The following ADAMTS2 variants were observed in gnomAD, a reference collection of about 807,000 sequenced individuals.
ADAMTS2 encodes the protein ADAM metallopeptidase with thrombospondin type 1 motif 2, also known as A disintegrin and metalloproteinase with thrombospondin motifs 2.
Under a neutral mutation model 123.0 loss-of-function variants are expected in ADAMTS2, and 50 were observed. The ratio of observed to expected loss-of-function variants is 0.41; its 90% CI spans 0.32 to 0.51. The LOEUF (loss-of-function observed/expected upper bound fraction) is 0.51, where lower values mean the gene tolerates loss of function less well. ADAMTS2 is among the 20% of genes least tolerant of loss of function. The pLI, the probability that ADAMTS2 is intolerant of heterozygous loss-of-function variation, is 0.35. For synonymous variants in ADAMTS2, 678 were observed against 695.4 expected (o/e 0.98, Z 0.39); for missense variants, 1,494 against 1,705.2 (o/e 0.88, Z 2.18).
chr5:179,160,538 CA>C (rs1465995304), intron 5 of ADAMTS2, among the ~76,000 whole-genome samples: 1 of 152,222 alleles, frequency 6.6e-6, no homozygotes, highest in Non-Finnish European at 1.5e-5. Flanking sequence ...CTAGGTAAGA[CA>C]AGTCGTTCCC....
chr5:179,297,009 G>GC lies in ADAMTS2; in HGVS notation c.535-23946dup. Reference sequence around the variant, plus strand: ...TAGTATCATCAAAATAGAACTCAGAGCAAGTACTAAATGACTGGAAACTCC... The same window carrying GC: ...TAGTATCATCAAAATAGAACTCAGAGCCAAGTACTAAATGACTGGAAACTCC... On this transcript the variant is annotated intron_variant, in intron 2 of 21. Transcript: ENST00000251582. Among the ~76,000 whole-genome samples, 2 of 152,244 alleles carry GC rather than the reference G, an allele frequency of 1.3e-5. 1 individual carries two copies. The highest frequency in any genetic ancestry group is 4.1e-4 in the South Asian group (2 of 4,822).
chr5:179,140,360 A>G (rs1193175097), intron 10 of ADAMTS2, among the ~76,000 whole-genome samples: 1 of 152,204 alleles, frequency 6.6e-6, no homozygotes, highest in Non-Finnish European at 1.5e-5. Flanking sequence ...GGGTGCCCAC[A>G]CACAGCCCAT....
intron 4 of ADAMTS2, among the ~76,000 whole-genome samples, chr5:179,201,163 A>G (rs928694573): frequency 6.6e-6 from 1 of 152,210 alleles, no homozygotes; most frequent in African/African-American, 2.4e-5. Context: ...AGATGAAACC[A>G]TAACAGAGAA....
intron 2 of ADAMTS2, among the ~76,000 whole-genome samples, chr5:179,281,814 A>G (rs1211326949): frequency 6.6e-6 from 1 of 152,150 alleles, no homozygotes; most frequent in East Asian, 1.9e-4. Flanking sequence ...ACCAATACTC[A>G]TTATTCTTAG....
intron 3 of ADAMTS2, among the ~76,000 whole-genome samples, chr5:179,213,346 A>C (rs1764904775): frequency 6.6e-6 from 1 of 152,134 alleles, no homozygotes; most frequent in African/African-American, 2.4e-5. Flanking sequence ...GTCTTGTCTC[A>C]TTTGTGAATT....
At chr5:179,204,562 CAGA>C (rs1044055370) in intron 4 of ADAMTS2, among the ~76,000 whole-genome samples, 6 of 152,226 alleles carry the variant, frequency 3.9e-5, no homozygotes, top group African/African-American at 1.4e-4. Context: ...CACCCTTTCT[CAGA>C]AGCTCCCACT....
At chr5:179,284,031 CA>C (rs1354419256) in intron 2 of ADAMTS2, among the ~76,000 whole-genome samples, 1 of 150,400 alleles carries the variant, frequency 6.6e-6, no homozygotes, top group African/African-American at 2.4e-5. Context: ...TACCCTGTCT[CA>C]AAAAAACCCA....
At position 179,130,106 on chromosome 5, in the gene ADAMTS2, T is replaced by C. The variant is rs140401199; in HGVS notation, c.2291-8A>G. On this transcript the variant is annotated splice_polypyrimidine_tract_variant and splice_region_variant and intron_variant, in intron 15 of 21. Coordinates refer to ENST00000251582, the MANE Select transcript of ADAMTS2 (RefSeq NM_014244.5). The surrounding 1 kb of genome is among the most constrained non-coding windows in gnomAD (Gnocchi z 4.3). ...TCTCCAGGTTCTTGACGGCTGAGAATGGCAAGACCAAGTCCCCCGTTGTGG... is the reference window on the plus strand; with the variant it reads ...TCTCCAGGTTCTTGACGGCTGAGAACGGCAAGACCAAGTCCCCCGTTGTGG... The C allele has an allele frequency of 0.061, 98,879 of 1,613,784 alleles. 3,348 individuals carry two copies. Among genetic ancestry groups the C allele is most frequent in the Admixed American group, 0.089 (5,368 of 60,014 alleles).
At chr5:179,204,611 G>A (rs1764635462) in intron 4 of ADAMTS2, among the ~76,000 whole-genome samples, 1 of 152,190 alleles carries the variant, frequency 6.6e-6, no homozygotes, top group African/African-American at 2.4e-5. Flanking sequence ...CCACCAAAGG[G>A]TCCGACATAG....
rs998245119 is a variant in ADAMTS2, at chr5:179,113,978, C to A, written c.3525G>T (p.Gln1175His). The change falls in exon 22 of 22, where the codon CAG becomes CAT. Residue 1175 changes from glutamine (Q) to histidine (H), a missense_variant. This residue lies in a region of ADAMTS2 where 953 missense variants were observed against 1,124.7 expected (regional missense o/e 0.85). Coordinates refer to ENST00000251582, the MANE Select transcript of ADAMTS2 (RefSeq NM_014244.5). Reference protein sequence around the residue: ...YKIHGLEDEVQPPNLIPRRPS... With the variant: ...YKIHGLEDEVHPPNLIPRRPS... The stretch of plus-strand genomic sequence containing the variant: ...GTCGTCGAGGGATTAGGTTGGGTGG[C>A]TGGACTTCATCTTCCAGGCCATGGA... 6.2e-7 allele frequency: 1 copy of A among 1,614,058 alleles called. No individual in the cohort carries two copies. The highest frequency in any genetic ancestry group is 8.5e-7 in the Non-Finnish European group (1 of 1,180,006).
At chr5:179,282,684 A>G (rs1766948819) in intron 2 of ADAMTS2, among the ~76,000 whole-genome samples, 1 of 152,164 alleles carries the variant, frequency 6.6e-6, no homozygotes, top group Non-Finnish European at 1.5e-5. Flanking sequence ...GATTTGATAG[A>G]ATTAAATGCA....
At chr5:179,295,183 G>C (rs1756295448) in intron 2 of ADAMTS2, among the ~76,000 whole-genome samples, 1 of 152,244 alleles carries the variant, frequency 6.6e-6, no homozygotes, top group African/African-American at 2.4e-5. Context: ...AAAAGACACA[G>C]AGAAGAACCA....
At position 179,162,178 on chromosome 5, in the gene ADAMTS2, C is replaced by T. The variant is rs563588363; in HGVS notation, c.976-3299G>A. Among the ~76,000 whole-genome samples, 280 of 152,304 alleles carry T rather than the reference C, an allele frequency of 1.8e-3. No individual in the cohort carries two copies. The highest frequency in any genetic ancestry group is 2.8e-3 in the Non-Finnish European group (189 of 68,018). ...TCCCTTCCGATGCCCTGGTGGGTTG[C>T]GGTGACTTCTGCCTGCCCTTGTTTC... On this transcript the variant is annotated intron_variant, in intron 5 of 21. Transcript: ENST00000251582. This position sits in a 1 kb window ranked among gnomAD's most constrained non-coding sequence, Gnocchi z 5.1.
In ADAMTS2 at chr5:179,175,171, C is replaced by G. The variant is rs1763904819; in HGVS notation, c.975+5901G>C. On this transcript the variant is annotated intron_variant, in intron 5 of 21. Transcript: ENST00000251582. The surrounding 1 kb of genome is among the most constrained non-coding windows in gnomAD (Gnocchi z 4.1). ...TTCCTTGCTTGGGTTCCGCAGCTGTCTCAGCCATTCTTGACCGTCCATGTT... is the reference window on the plus strand; with the variant it reads ...TTCCTTGCTTGGGTTCCGCAGCTGTGTCAGCCATTCTTGACCGTCCATGTT... 2.0e-5 allele frequency among the ~76,000 whole-genome samples: 3 copies of G among 151,342 alleles called. No individual in the cohort carries two copies. The highest frequency in any genetic ancestry group is 2.0e-4 in the Admixed American group (3 of 15,210).
chr5:179,217,878 C>G (rs56144979), intron 3 of ADAMTS2, among the ~76,000 whole-genome samples: 17,199 of 80,766 alleles, frequency 0.21, 1,626 homozygotes, highest in African/African-American at 0.3. Context: ...TGAGGGCAGA[C>G]GGCACACTCA....
At chr5:179,206,458 C>T (rs569230576) in intron 4 of ADAMTS2, among the ~76,000 whole-genome samples, 7 of 152,316 alleles carry the variant, frequency 4.6e-5, no homozygotes, top group Admixed American at 3.9e-4. Context: ...CTCATTCATC[C>T]ACAGGTGTGG....
chr5:179,180,721 C>T lies in ADAMTS2; in HGVS notation c.975+351G>A, dbSNP rs910052627. ...TTAAGCCAGCTCACCCTGTCCCCAT[C>T]GGTCCTTCCTGCAGAAACAACATGG... On this transcript the variant is annotated intron_variant, in intron 5 of 21. Transcript: ENST00000251582. This position sits in a 1 kb window ranked among gnomAD's most constrained non-coding sequence, Gnocchi z 4.6. 2.8e-4 allele frequency among the ~76,000 whole-genome samples: 43 copies of T among 152,154 alleles called. 1 individual carries two copies. Among genetic ancestry groups the T allele is most frequent in the African/African-American group, 8.7e-4 (36 of 41,422 alleles).
chr5:179,136,671 C>CA (rs34900361), intron 12 of ADAMTS2, among the ~76,000 whole-genome samples: 880 of 58,896 alleles, frequency 0.015, 3 homozygotes, highest in South Asian at 0.02. Context: ...GACTCCATCT[C>CA]AAAAAAAAAA....
chr5:179,144,270 T>C (rs12517889), intron 10 of ADAMTS2, among the ~76,000 whole-genome samples: 27,214 of 152,210 alleles, frequency 0.18, 3,043 homozygotes, highest in Non-Finnish European at 0.25. Context: ...AATACATCAT[T>C]GAAAGAAGTT....
Sources: gnomAD v4.1 joint callset for allele counts (sites outside exome capture counted in the v4.1 genomes callset) on GRCh38, gnomAD v4.1.1 for gene constraint, gnomAD v4.1.1 regional missense constraint, Gnocchi (gnomAD v3.1) non-coding constraint, MANE v1.5 for transcripts, NCBI Gene and HGNC (gene_info 2026-07-23, HGNC 2026-07-21) for gene names.